PDE10A: variants seen among roughly 807,000 people sequenced by gnomAD.
PDE10A encodes cAMP and cAMP-inhibited cGMP 3',5'-cyclic phosphodiesterase 10A.
A neutral mutation model predicts 97.7 loss-of-function variants in PDE10A; 39 were observed. That is an observed-to-expected ratio of 0.40 (90% CI 0.31 to 0.52). The LOEUF (loss-of-function observed/expected upper bound fraction) is 0.52, where lower values mean the gene tolerates loss of function less well. PDE10A is among the 20% of genes least tolerant of loss of function. PDE10A has a pLI of 0.56. For synonymous variants in PDE10A, 371 were observed against 376.8 expected (o/e 0.98, Z 0.18); for missense variants, 731 against 1,047.8 (o/e 0.70, Z 4.17).
At chr6:165,864,736 A>G (rs773395769) in intron 1 of PDE10A, among the ~76,000 whole-genome samples, 3 of 152,248 alleles carry the variant, frequency 2.0e-5, no homozygotes, top group South Asian at 2.1e-4. Context: ...ACATCATTTT[A>G]TACTAGGCAA....
chr6:165,540,641 C>CT (rs927590950), intron 2 of PDE10A, among the ~76,000 whole-genome samples: 3 of 152,016 alleles, frequency 2.0e-5, no homozygotes, highest in Non-Finnish European at 4.4e-5. Flanking sequence ...ACGGGACTTT[C>CT]TTTTTTTGTT....
intron 1 of PDE10A, among the ~76,000 whole-genome samples, chr6:165,805,885 A>T (rs1293037072): frequency 1.3e-5 from 2 of 152,044 alleles, no homozygotes; most frequent in East Asian, 3.9e-4. Flanking sequence ...CACAGAGTGC[A>T]CACGACGCCA....
At chr6:165,594,217 G>T (rs1786449344) in intron 1 of PDE10A, among the ~76,000 whole-genome samples, 1 of 152,178 alleles carries the variant, frequency 6.6e-6, no homozygotes, top group Non-Finnish European at 1.5e-5. Context: ...GTTCCTTGGA[G>T]AAGTGGCTGA....
chr6:165,691,106 T>TCTCCCCC (rs143783728), intron 1 of PDE10A, among the ~76,000 whole-genome samples: 3 of 39,092 alleles, frequency 7.7e-5, no homozygotes, highest in Non-Finnish European at 1.4e-4. Context: ...TCTTTCTCTC[T>TCTCCCCC]CCCCCCCCCC....
At chr6:165,986,998 G>C (rs1785242929) in intron 1 of PDE10A, among the ~76,000 whole-genome samples, 1 of 152,008 alleles carries the variant, frequency 6.6e-6, no homozygotes, top group Non-Finnish European at 1.5e-5. Context: ...AGAGAGTGGC[G>C]GCAGAGGCGA....
intron 1 of PDE10A, among the ~76,000 whole-genome samples, chr6:165,946,525 A>C (rs1583326163): frequency 6.6e-6 from 1 of 151,614 alleles, no homozygotes; most frequent in South Asian, 2.1e-4. Flanking sequence ...AAAAAGAAAA[A>C]GGAAAAAAGA....
intron 1 of PDE10A, among the ~76,000 whole-genome samples, chr6:165,849,688 A>G (rs994446410): frequency 1.3e-5 from 2 of 152,180 alleles, no homozygotes; most frequent in Non-Finnish European, 2.9e-5. Context: ...GGAGGCTGTG[A>G]GAGCCGGGGG....
At chr6:165,428,248 G>A (rs750845289) in intron 10 of PDE10A, among the ~76,000 whole-genome samples, 1 of 152,068 alleles carries the variant, frequency 6.6e-6, no homozygotes, top group Non-Finnish European at 1.5e-5. Flanking sequence ...ATAACTCTAC[G>A]TCATACAGCT....
At chr6:165,837,578 A>G (rs1780096703) in intron 1 of PDE10A, among the ~76,000 whole-genome samples, 1 of 151,578 alleles carries the variant, frequency 6.6e-6, no homozygotes, top group Non-Finnish European at 1.5e-5. Flanking sequence ...CATCTAGGTT[A>G]CACCTCACTA....
At chr6:165,763,662 CAT>C (rs747057565) in intron 1 of PDE10A, among the ~76,000 whole-genome samples, 2 of 152,200 alleles carry the variant, frequency 1.3e-5, no homozygotes, top group Non-Finnish European at 2.9e-5. Context: ...CTTGTCCTTT[CAT>C]ATGTTTCCAT....
At chr6:165,545,322 T>C in intron 1 of PDE10A, 1 of 408,000 alleles carries the variant, frequency 2.5e-6, no homozygotes. Flanking sequence ...AAGCTCCATC[T>C]TAAGTCAAAA....
At chr6:165,767,202 T>C (rs1777877150) in intron 1 of PDE10A, among the ~76,000 whole-genome samples, 1 of 152,236 alleles carries the variant, frequency 6.6e-6, no homozygotes, top group African/African-American at 2.4e-5. Flanking sequence ...AAAAAAGTGC[T>C]TATTGTTAGA....
Position 165,987,454 on chromosome 6 carries a change from C to T in PDE10A, c.-615+75G>A, listed in dbSNP as rs140362925. The T allele has an allele frequency of 1.5e-3, 520 of 342,430 alleles. 5 individuals are homozygous for T. In the East Asian group the frequency reaches 0.034, roughly 23 times the overall value. The allele number at this position is 342,430 out of a possible 1,614,324, so 21.2% of individuals were successfully genotyped here. ...GGAAGTTTTTTTAAGTACACGCACA[C>T]ACACACAAAGATTGGGACTAAGTTT... On this transcript the variant is annotated intron_variant, in intron 1 of 19. Transcript: ENST00000366882.
intron 2 of PDE10A, among the ~76,000 whole-genome samples, chr6:165,522,526 A>T (rs1782190932): frequency 6.6e-6 from 1 of 152,134 alleles, no homozygotes; most frequent in Non-Finnish European, 1.5e-5. Flanking sequence ...TTAAATGTTC[A>T]TCTCAATAAA....
At chr6:165,478,488 G>A (rs1036624315) in intron 3 of PDE10A, among the ~76,000 whole-genome samples, 1 of 152,126 alleles carries the variant, frequency 6.6e-6, no homozygotes, top group African/African-American at 2.4e-5. Flanking sequence ...ACTAAAAAAG[G>A]TTTTAAGACT....
At chr6:165,411,896 T>C (rs1375413671) in intron 13 of PDE10A, among the ~76,000 whole-genome samples, 1 of 152,216 alleles carries the variant, frequency 6.6e-6, no homozygotes, top group East Asian at 1.9e-4. Flanking sequence ...TTTGCTTTTG[T>C]CTGAAATTAT....
At chr6:165,814,323 G>A (rs540397758) in intron 1 of PDE10A, among the ~76,000 whole-genome samples, 6 of 152,118 alleles carry the variant, frequency 3.9e-5, no homozygotes, top group South Asian at 2.1e-4. Flanking sequence ...ACCCTCCACC[G>A]CCCGTAACAT....
chr6:165,871,130 G>C (rs781288765), intron 1 of PDE10A, among the ~76,000 whole-genome samples: 8 of 152,164 alleles, frequency 5.3e-5, no homozygotes, highest in Non-Finnish European at 1.0e-4. Context: ...AGATGTTTGA[G>C]GTGATGGATA....
intron 13 of PDE10A, among the ~76,000 whole-genome samples, chr6:165,411,338 A>G (rs970326498): frequency 5.9e-5 from 9 of 152,178 alleles, no homozygotes; most frequent in African/African-American, 1.9e-4. Context: ...GCCTTTAAAG[A>G]GGTAACTATG....
Sources: allele counts gnomAD v4.1 joint callset (sites outside exome capture counted in the v4.1 genomes callset), GRCh38; gene constraint gnomAD v4.1.1; transcripts MANE v1.5; gene names NCBI Gene and HGNC (gene_info 2026-07-23, HGNC 2026-07-21).